The following BAALC variants were observed in gnomAD, a reference collection of about 807,000 sequenced individuals.
BAALC encodes BAALC binder of MAP3K1 and KLF4.
In BAALC, 9 loss-of-function variants were observed where a neutral mutation model predicts 15.5. That is an observed-to-expected ratio of 0.58 (90% confidence interval 0.35 to 1.02). The LOEUF (loss-of-function observed/expected upper bound fraction) is 1.02. Among genes scored for constraint, BAALC ranks in the 50% least tolerant of loss-of-function variants. BAALC has a pLI of 0.02. For synonymous variants in BAALC, 80 were observed against 74.6 expected, an observed-to-expected ratio of 1.07 and a Z score of -0.37; for missense variants, 201 against 192.4, an observed-to-expected ratio of 1.04 and a Z score of -0.27.
intron 1 of BAALC, among the ~76,000 whole-genome samples, chr8:103,181,552 G>A (rs1255455821): frequency 6.6e-6 from 1 of 152,184 alleles, no homozygotes; most frequent in Non-Finnish European, 1.5e-5. Context: ...GATTACAGGT[G>A]TGAGCCACCT....
At chr8:103,190,250 A>G (rs1811935551) in intron 1 of BAALC, among the ~76,000 whole-genome samples, 1 of 152,178 alleles carries the variant, frequency 6.6e-6, no homozygotes, top group Non-Finnish European at 1.5e-5. Context: ...TGAGAAAGTT[A>G]GACTTTCAGC....
intron 2 of BAALC, among the ~76,000 whole-genome samples, chr8:103,218,990 A>G (rs1174236534): frequency 6.6e-6 from 1 of 152,238 alleles, no homozygotes; most frequent in Non-Finnish European, 1.5e-5. Flanking sequence ...AGTCTCTCCC[A>G]GAAAAACAAA....
At position 103,141,047 on chromosome 8, in the gene BAALC, C is replaced by A; in HGVS notation, c.150C>A (p.Gly50=). ...CGGACAGCGGCCCCGAAGCGGGCGGCCTGCACTCGGGTAAGTGGCCGGGCC... is the reference window on the plus strand; with the variant it reads ...CGGACAGCGGCCCCGAAGCGGGCGGACTGCACTCGGGTAAGTGGCCGGGCC... ...AAPDSGPEAG[G]LHSGMLEDGL... is the part of the protein sequence containing the mutation. The change falls in exon 1 of 3, where the codon GGC becomes GGA. Residue 50 remains glycine, a synonymous_variant. Transcript: ENST00000309982. The A allele has an allele frequency of 6.7e-7, 1 of 1,499,364 alleles. No homozygotes were observed. The highest frequency in any genetic ancestry group is 8.9e-7 in the Non-Finnish European group (1 of 1,124,376). 92.9% of individuals were successfully genotyped at this position (1,499,364 alleles called of 1,614,324 possible). A position where few individuals can be genotyped will look rare whatever the true frequency, so the allele number is the denominator to read the frequency against.
intron 1 of BAALC, among the ~76,000 whole-genome samples, chr8:103,163,545 G>A (rs987503077): frequency 6.6e-6 from 1 of 152,142 alleles, no homozygotes; most frequent in South Asian, 2.1e-4. Flanking sequence ...AGACTTTGGG[G>A]TTATTTTTGT....
At chr8:103,141,174 G>A (rs1563631019) in intron 1 of BAALC, 117 bp downstream of exon 1, 5 of 1,192,922 alleles carry the variant, frequency 4.2e-6, no homozygotes, top group Non-Finnish European at 5.5e-6. Flanking sequence ...GGGTGGCTGG[G>A]AGGAAGCAGA....
intron 1 of BAALC, chr8:103,171,931 C>A (rs779810459): frequency 1.3e-5 from 2 of 152,236 alleles, no homozygotes; most frequent in Non-Finnish European, 2.9e-5. Context: ...AGTTAGTGAA[C>A]CTACCTGAAT....
At chr8:103,144,930 C>T (rs113727032) in intron 1 of BAALC, among the ~76,000 whole-genome samples, 50 of 152,274 alleles carry the variant, frequency 3.3e-4, no homozygotes, top group African/African-American at 8.7e-4. Flanking sequence ...ACTTCAGGAA[C>T]GAGGCAGGAA....
intron 1 of BAALC, among the ~76,000 whole-genome samples, chr8:103,160,465 G>A (rs939529190): frequency 6.6e-6 from 1 of 152,120 alleles, no homozygotes; most frequent in African/African-American, 2.4e-5. Flanking sequence ...TCCTGCCTCA[G>A]TGTGATTACT....
intron 2 of BAALC, among the ~76,000 whole-genome samples, chr8:103,226,276 G>A (rs1812805314): frequency 6.6e-6 from 1 of 152,248 alleles, no homozygotes; most frequent in African/African-American, 2.4e-5. Flanking sequence ...AGCGACCCCT[G>A]CTCCATGCAG....
chr8:103,177,370 A>G (rs1189036838), intron 1 of BAALC, among the ~76,000 whole-genome samples: 2 of 151,954 alleles, frequency 1.3e-5, no homozygotes, highest in African/African-American at 4.8e-5. Flanking sequence ...TTTTTTGTAG[A>G]GACGGGGTCT....
In BAALC at chr8:103,165,042, C is replaced by T. The variant is rs117692476; in HGVS notation, c.160+23985C>T. 4.2e-3 allele frequency among the ~76,000 whole-genome samples: 640 copies of T among 152,288 alleles called. 7 individuals are homozygous for T. The highest frequency in any genetic ancestry group is 8.1e-3 in the Admixed American group (124 of 15,290). ...GATAGGCTATTGCTTGGTTTCAAAA[C>T]TGTGGGATTTGGGGCATGGCTCCAT... On this transcript the variant is annotated intron_variant, in intron 1 of 2. Transcript: ENST00000309982.
At chr8:103,176,310 G>T (rs1471442956) in intron 1 of BAALC, among the ~76,000 whole-genome samples, 1 of 152,152 alleles carries the variant, frequency 6.6e-6, no homozygotes, top group Non-Finnish European at 1.5e-5. Flanking sequence ...TGGCACTTAT[G>T]ATGTGCTAGG....
intron 1 of BAALC, among the ~76,000 whole-genome samples, chr8:103,176,838 G>C (rs530688145): frequency 6.6e-6 from 1 of 152,296 alleles, no homozygotes; most frequent in Admixed American, 6.5e-5. Context: ...TAGTTCGAAG[G>C]AAGAACTGTG....
intron 1 of BAALC, among the ~76,000 whole-genome samples, chr8:103,206,776 G>A (rs1456634265): frequency 6.6e-6 from 1 of 152,146 alleles, no homozygotes; most frequent in Non-Finnish European, 1.5e-5. Context: ...TGTGAAGGAG[G>A]GAGGGAGAGA....
At chr8:103,207,668 G>A (rs1812361575) in intron 1 of BAALC, among the ~76,000 whole-genome samples, 1 of 152,162 alleles carries the variant, frequency 6.6e-6, no homozygotes, top group African/African-American at 2.4e-5. Flanking sequence ...GAGGGGGCAG[G>A]TGGGAGGCGG....
At chr8:103,226,762 AT>A (rs1473559904) in intron 2 of BAALC, among the ~76,000 whole-genome samples, 1 of 152,014 alleles carries the variant, frequency 6.6e-6, no homozygotes. Context: ...TTTTAAGCTT[AT>A]TTTTTTCCCA....
At position 103,154,149 on chromosome 8, in the gene BAALC, G is replaced by A. The variant is rs144908785; in HGVS notation, c.160+13092G>A. On this transcript the variant is annotated intron_variant, in intron 1 of 2. Coordinates refer to ENST00000309982, the MANE Select transcript of BAALC (RefSeq NM_024812.3). ...ACGAACACAGCTACGACCTCATGGTGTGGCTTCCATTAATTGGGTGCTCAG... is the reference window on the plus strand; with the variant it reads ...ACGAACACAGCTACGACCTCATGGTATGGCTTCCATTAATTGGGTGCTCAG... Among the ~76,000 whole-genome samples, 3 of 152,324 alleles carry A rather than the reference G, an allele frequency of 2.0e-5. No homozygotes were observed. The East Asian group carries it at 5.8e-4, about 29-fold the overall frequency.
chr8:103,177,078 A>G (rs904912587), intron 1 of BAALC, among the ~76,000 whole-genome samples: 1 of 151,998 alleles, frequency 6.6e-6, no homozygotes, highest in African/African-American at 2.4e-5. Context: ...GTTAAAAGGG[A>G]TATTTCTCAA....
chr8:103,169,230 TA>T (rs1811422023), intron 1 of BAALC, among the ~76,000 whole-genome samples: 1 of 152,182 alleles, frequency 6.6e-6, no homozygotes, highest in Non-Finnish European at 1.5e-5. Context: ...TCATTCCCTC[TA>T]CCTTAGTTTT....
Sources: allele counts gnomAD v4.1 joint callset (sites outside exome capture counted in the v4.1 genomes callset), GRCh38; gene constraint gnomAD v4.1.1; transcripts MANE v1.5; gene names NCBI Gene and HGNC (gene_info 2026-07-23, HGNC 2026-07-21).